Variants in CUBN observed in about 807,000 individuals in gnomAD.
CUBN encodes the protein cubilin.
In CUBN, 282 loss-of-function variants were observed where a neutral mutation model predicts 405.3. The ratio of observed to expected loss-of-function variants is 0.70; its 90% CI spans 0.63 to 0.77. The LOEUF is 0.77. CUBN is among the 30% of genes least tolerant of loss of function. CUBN has a pLI of 0.00. For synonymous variants in CUBN, 1,684 were observed against 1,617.0 expected, an observed-to-expected ratio of 1.04 and a Z score of -0.99; for missense variants, 4,514 against 4,475.2, an observed-to-expected ratio of 1.01 and a Z score of -0.25.
chr10:16,889,138 A>G (rs1442031543), intron 55 of CUBN, among the ~76,000 whole-genome samples: 1 of 152,228 alleles, frequency 6.6e-6, no homozygotes, highest in African/African-American at 2.4e-5. Flanking sequence ...TTGTTTTCAT[A>G]TAACCATTGA....
chr10:17,034,725 G>A (rs988799522), intron 27 of CUBN, among the ~76,000 whole-genome samples: 2 of 152,158 alleles, frequency 1.3e-5, no homozygotes, highest in Middle Eastern at 3.2e-3. Flanking sequence ...AGTAGAGACT[G>A]CAATCTTTTG....
At chr10:16,839,983 G>T (rs1336823633) in intron 62 of CUBN, among the ~76,000 whole-genome samples, 1 of 148,856 alleles carries the variant, frequency 6.7e-6, no homozygotes, top group African/African-American at 2.5e-5. Context: ...ACCAAACACC[G>T]CATATTCTCA....
chr10:17,116,274 C>A (rs1360476298), intron 6 of CUBN, among the ~76,000 whole-genome samples: 1 of 152,190 alleles, frequency 6.6e-6, no homozygotes, highest in African/African-American at 2.4e-5. Flanking sequence ...ATCAAATAAG[C>A]AATGTTGTTT....
intron 17 of CUBN, among the ~76,000 whole-genome samples, chr10:17,078,525 T>C (rs1261080181): frequency 6.6e-6 from 1 of 152,208 alleles, no homozygotes; most frequent in Non-Finnish European, 1.5e-5. Context: ...TACAGTACTG[T>C]TTCTTTCCTG....
chr10:16,878,267 G>A lies in CUBN; in HGVS notation c.8906-1170C>T, dbSNP rs549804185. ...CGCGCCACTTCACTCCAGCCTGGGT[G>A]ATAGCACAAGACTCCATCTCAAATA... is the stretch of plus-strand genomic sequence containing the variant. On this transcript the variant is annotated intron_variant, in intron 56 of 66. Coordinates refer to ENST00000377833, the MANE Select transcript of CUBN (RefSeq NM_001081.4). Among the ~76,000 whole-genome samples, 20 of 152,210 alleles carry A rather than the reference G, an allele frequency of 1.3e-4. No homozygotes were observed. The South Asian group carries it at 4.1e-3, about 32-fold the overall frequency.
intron 59 of CUBN, among the ~76,000 whole-genome samples, chr10:16,867,369 A>G (rs1415901609): frequency 6.6e-6 from 1 of 152,176 alleles, no homozygotes; most frequent in Non-Finnish European, 1.5e-5. Flanking sequence ...AGCTATTCTT[A>G]TTGTTCCTTC....
chr10:17,012,192 A>C (rs1045833756), intron 28 of CUBN, among the ~76,000 whole-genome samples: 1 of 152,208 alleles, frequency 6.6e-6, no homozygotes, highest in Non-Finnish European at 1.5e-5. Context: ...CAAATTTGAC[A>C]AGGAGGTTAA....
chr10:17,088,488 T>A (rs1836178728), intron 14 of CUBN, 143 bp from the exon 15 acceptor site: 2 of 670,738 alleles, frequency 3.0e-6, no homozygotes, highest in Non-Finnish European at 5.2e-6. Flanking sequence ...TAAAAAAGAT[T>A]TACATTTTCC....
At chr10:17,050,285 A>G (rs541383901) in intron 22 of CUBN, among the ~76,000 whole-genome samples, 7 of 152,306 alleles carry the variant, frequency 4.6e-5, no homozygotes, top group African/African-American at 1.7e-4. Flanking sequence ...ATATTGGACA[A>G]TCTGCAGTAC....
chr10:17,007,972 G>A (rs1451409148), intron 28 of CUBN, among the ~76,000 whole-genome samples: 1 of 152,108 alleles, frequency 6.6e-6, no homozygotes, highest in Non-Finnish European at 1.5e-5. Context: ...CTGGAAAACA[G>A]AGAAACCCTA....
chr10:17,064,285 C>T (rs1404245826), intron 22 of CUBN, among the ~76,000 whole-genome samples: 2 of 152,152 alleles, frequency 1.3e-5, no homozygotes, highest in African/African-American at 4.8e-5. Context: ...AGAGTTTTGC[C>T]TGAAATGAAG....
chr10:16,959,765 C>T (rs1208575270), intron 31 of CUBN, among the ~76,000 whole-genome samples: 3 of 152,104 alleles, frequency 2.0e-5, no homozygotes, highest in Non-Finnish European at 2.9e-5. Flanking sequence ...TAAAAATTAT[C>T]GATATGAATT....
chr10:16,989,640 G>A (rs1833524439), intron 29 of CUBN, among the ~76,000 whole-genome samples: 1 of 151,366 alleles, frequency 6.6e-6, no homozygotes, highest in South Asian at 2.1e-4. Flanking sequence ...ATTAAACATT[G>A]ATTATAATAA....
chr10:16,884,902 TG>T (rs147138144), intron 56 of CUBN, among the ~76,000 whole-genome samples: 3,820 of 152,272 alleles, frequency 0.025, 66 homozygotes, highest in Non-Finnish European at 0.04. Context: ...CTGGCTCTGC[TG>T]GGATCCTGGG....
chr10:17,027,584 T>G (rs1463384420), intron 27 of CUBN, among the ~76,000 whole-genome samples: 2 of 152,230 alleles, frequency 1.3e-5, no homozygotes, highest in African/African-American at 4.8e-5. Context: ...AAATTTATTT[T>G]TAAAGCAATA....
At chr10:17,072,401 G>C (rs1176058779) in intron 17 of CUBN, among the ~76,000 whole-genome samples, 2 of 152,112 alleles carry the variant, frequency 1.3e-5, no homozygotes, top group African/African-American at 4.8e-5. Context: ...GTTGATGAAA[G>C]AGAGAGAAAG....
chr10:16,875,163 G>A (rs148403424), intron 57 of CUBN, among the ~76,000 whole-genome samples: 9 of 151,994 alleles, frequency 5.9e-5, no homozygotes, highest in Non-Finnish European at 1.3e-4. Context: ...GGCCAGGCCC[G>A]TTCCTCTCCA....
chr10:16,997,508 G>A (rs1833768804), intron 28 of CUBN, among the ~76,000 whole-genome samples: 1 of 151,940 alleles, frequency 6.6e-6, no homozygotes, highest in Admixed American at 6.6e-5. Context: ...GACCCTTTTG[G>A]TAAGGCAGGT....
intron 54 of CUBN, among the ~76,000 whole-genome samples, chr10:16,894,494 T>C (rs533143651): frequency 1.4e-4 from 21 of 152,326 alleles, no homozygotes; most frequent in Non-Finnish European, 2.8e-4. Context: ...TTTTTGCACC[T>C]TTGTCAAAAA....
Sources: gnomAD v4.1 joint callset for allele counts (sites outside exome capture counted in the v4.1 genomes callset) on GRCh38, gnomAD v4.1.1 for gene constraint, MANE v1.5 for transcripts, NCBI Gene and HGNC (gene_info 2026-07-23, HGNC 2026-07-21) for gene names.